IKZF2: variants seen among roughly 807,000 people sequenced by gnomAD.
IKZF2 encodes IKAROS family zinc finger 2.
In IKZF2, 15 loss-of-function variants were observed where a neutral mutation model predicts 49.2. The ratio of observed to expected loss-of-function variants is 0.30; its 90% CI spans 0.20 to 0.47. IKZF2 has a LOEUF of 0.47. Ranked by LOEUF, IKZF2 falls within the 20% of genes least tolerant of loss-of-function variation. IKZF2 has a pLI of 1.00. For missense variants in IKZF2, 567 were observed against 664.6 expected, an observed-to-expected ratio of 0.85 and a Z score of 1.61; for synonymous variants, 227 against 221.4, an observed-to-expected ratio of 1.03 and a Z score of -0.23.
chr2:213,043,593 A>G (rs895324618), intron 6 of IKZF2, among the ~76,000 whole-genome samples: 3 of 152,210 alleles, frequency 2.0e-5, no homozygotes, highest in African/African-American at 7.2e-5. Context: ...AGTTTCATGG[A>G]AGACAGTTTT....
At chr2:213,148,553 C>G (rs750146509) in intron 3 of IKZF2, 43 bp downstream of exon 3, 1 of 1,428,300 alleles carries the variant, frequency 7.0e-7, no homozygotes, top group South Asian at 1.2e-5. Flanking sequence ...AATACAAAGG[C>G]AACTTTATTA....
intron 4 of IKZF2, among the ~76,000 whole-genome samples, chr2:213,146,045 G>A (rs1365729921): frequency 6.6e-6 from 1 of 152,026 alleles, no homozygotes; most frequent in Non-Finnish European, 1.5e-5. Flanking sequence ...TTAACCACTT[G>A]ACAAGCATTT....
At chr2:213,022,497 G>GT (rs5838364) in intron 6 of IKZF2, among the ~76,000 whole-genome samples, 83,622 of 150,892 alleles carry the variant, frequency 0.55, 23,914 homozygotes, top group East Asian at 0.82. Context: ...AAGAGTTGTG[G>GT]TTTTTTTTTG....
chr2:213,018,245 A>T lies in IKZF2; in HGVS notation c.712+3748T>A, dbSNP rs1466580218. 2.6e-5 allele frequency among the ~76,000 whole-genome samples: 4 copies of T among 152,184 alleles called. 1 individual carries two copies. Among genetic ancestry groups the T allele is most frequent in the Non-Finnish European group, 5.9e-5 (4 of 68,032 alleles). On this transcript the variant is annotated intron_variant, in intron 7 of 8. Transcript: ENST00000434687. ...ATCTGCCATAAAACCTAATTAAATA[A>T]GATAAATAATCTGCCCTAAAACCCA...
At chr2:213,090,636 C>G (rs746904896) in intron 4 of IKZF2, among the ~76,000 whole-genome samples, 9 of 152,158 alleles carry the variant, frequency 5.9e-5, no homozygotes, top group Non-Finnish European at 1.5e-5. Flanking sequence ...TGAAGTCGTA[C>G]TAGAGTAGGG....
At chr2:213,122,073 G>A (rs972058393) in intron 4 of IKZF2, among the ~76,000 whole-genome samples, 1 of 152,156 alleles carries the variant, frequency 6.6e-6, no homozygotes, top group African/African-American at 2.4e-5. Context: ...TCAAAGGCAG[G>A]TAGAGGAAAA....
intron 4 of IKZF2, among the ~76,000 whole-genome samples, chr2:213,086,420 A>G (rs577023178): frequency 6.6e-6 from 1 of 152,348 alleles, no homozygotes; most frequent in East Asian, 1.9e-4. Flanking sequence ...ATGATGTATG[A>G]TTTACAAAAA....
intron 6 of IKZF2, among the ~76,000 whole-genome samples, chr2:213,038,436 A>T (rs888108372): frequency 1.3e-5 from 2 of 152,166 alleles, no homozygotes; most frequent in African/African-American, 4.8e-5. Context: ...ATTTTCAGAA[A>T]TTTTTGTCCT....
chr2:213,069,317 G>A (rs968971114), intron 4 of IKZF2, among the ~76,000 whole-genome samples: 4 of 152,110 alleles, frequency 2.6e-5, no homozygotes, highest in African/African-American at 9.7e-5. Flanking sequence ...AGTTTTAGAA[G>A]CCTAAAGTCT....
Position 213,002,208 on chromosome 2 carries a change from G to C in IKZF2, c.*5152C>G, listed in dbSNP as rs1447633632. The C allele has an allele frequency of 6.6e-6, 1 of 151,344 alleles. No individual in the cohort carries two copies. 9.4% of individuals were successfully genotyped at this position (151,344 alleles called of 1,614,324 possible). A position where few individuals can be genotyped will look rare whatever the true frequency, so the allele number is the denominator to read the frequency against. The stretch of plus-strand genomic sequence containing the variant: ...ACATCTTAGAAAACTAGTCATTCAT[G>C]TACCACTCTCTGTATGGGATAAAGG... On this transcript the variant is annotated 3_prime_UTR_variant, in exon 9 of 9. Coordinates refer to ENST00000434687, the MANE Select transcript of IKZF2 (RefSeq NM_001387220.1).
chr2:213,134,439 C>T (rs1042307489), intron 4 of IKZF2, among the ~76,000 whole-genome samples: 1 of 152,236 alleles, frequency 6.6e-6, no homozygotes, highest in East Asian at 1.9e-4. Flanking sequence ...ATATCTCTTA[C>T]ACACACAGTA....
intron 4 of IKZF2, among the ~76,000 whole-genome samples, chr2:213,119,089 T>C (rs2059966655): frequency 6.6e-6 from 1 of 152,216 alleles, no homozygotes; most frequent in African/African-American, 2.4e-5. Context: ...GGTTTTGGTT[T>C]GAATAAAGAA....
intron 4 of IKZF2, among the ~76,000 whole-genome samples, chr2:213,079,416 C>A (rs7603654): frequency 4.5e-5 from 2 of 44,806 alleles, no homozygotes; most frequent in Admixed American, 3.9e-4. Context: ...AGGAAGGAAG[C>A]ATGGAAGGAA....
chr2:213,116,683 G>A (rs74520863), intron 4 of IKZF2, among the ~76,000 whole-genome samples: 3,327 of 152,240 alleles, frequency 0.022, 108 homozygotes, highest in African/African-American at 0.075. Context: ...AGTTGACACT[G>A]AGCCATGATC....
chr2:213,035,702 G>A (rs992582083), intron 6 of IKZF2, among the ~76,000 whole-genome samples: 2 of 152,168 alleles, frequency 1.3e-5, no homozygotes, highest in East Asian at 1.9e-4. Context: ...AGAGTGAGGC[G>A]TAAAGTAGTA....
intron 3 of IKZF2, 146 bp downstream of exon 3, chr2:213,148,450 T>G (rs2061156159): frequency 1.6e-6 from 1 of 613,206 alleles, no homozygotes; most frequent in African/African-American, 1.9e-5. Flanking sequence ...TGTCATTTTC[T>G]CAAACTCATT....
At chr2:213,147,522 T>C in intron 4 of IKZF2, 186 bp downstream of exon 4, 1 of 693,918 alleles carries the variant, frequency 1.4e-6, no homozygotes, top group East Asian at 2.7e-5. Flanking sequence ...TAGTTCAGAC[T>C]AGTAAGCAGG....
chr2:213,150,626 A>G (rs1307620348), intron 1 of IKZF2, among the ~76,000 whole-genome samples: 4 of 149,610 alleles, frequency 2.7e-5, no homozygotes, highest in Non-Finnish European at 4.4e-5. Flanking sequence ...TAGCAATGCG[A>G]TTAACAAGAG....
chr2:213,064,144 ATTTC>A (rs2125435102), intron 4 of IKZF2, among the ~76,000 whole-genome samples: 1 of 151,904 alleles, frequency 6.6e-6, no homozygotes, highest in Non-Finnish European at 1.5e-5. Context: ...TTTAACATTA[ATTTC>A]TATACTCCTT....
Sources: gnomAD v4.1 joint callset for allele counts (sites outside exome capture counted in the v4.1 genomes callset) on GRCh38, gnomAD v4.1.1 for gene constraint, MANE v1.5 for transcripts, NCBI Gene and HGNC (gene_info 2026-07-23, HGNC 2026-07-21) for gene names.